The following SSBP2 variants were observed in gnomAD, a reference collection of about 807,000 sequenced individuals.
SSBP2 encodes the protein single-stranded DNA-binding protein 2.
In SSBP2, 17 loss-of-function variants were observed where a neutral mutation model predicts 61.8. The ratio of observed to expected loss-of-function variants is 0.28; its 90% CI spans 0.19 to 0.41. SSBP2 has a LOEUF of 0.41. Ranked by LOEUF, SSBP2 falls within the 10% of genes least tolerant of loss-of-function variation. SSBP2 has a pLI of 1.00. For synonymous variants in SSBP2, 139 were observed against 141.3 expected (o/e 0.98, Z 0.12); for missense variants, 310 against 458.7 (o/e 0.68, Z 2.96).
chr5:81,472,419 A>G (rs1309535015), intron 8 of SSBP2, among the ~76,000 whole-genome samples: 1 of 152,106 alleles, frequency 6.6e-6, no homozygotes, highest in Non-Finnish European at 1.5e-5. Flanking sequence ...TACTGATAGT[A>G]TTATGCTTGT....
chr5:81,637,483 C>A (rs777942274), intron 2 of SSBP2, among the ~76,000 whole-genome samples: 1 of 152,190 alleles, frequency 6.6e-6, no homozygotes, highest in Non-Finnish European at 1.5e-5. Flanking sequence ...CTCACTGATA[C>A]ATCACTTCAA....
intron 1 of SSBP2, among the ~76,000 whole-genome samples, chr5:81,737,355 T>C (rs1195482282): frequency 1.3e-5 from 2 of 151,826 alleles, no homozygotes; most frequent in East Asian, 3.9e-4. Context: ...TATGCTTCCT[T>C]TCTCCAGTGA....
chr5:81,476,791 T>C (rs1032849050), intron 6 of SSBP2, among the ~76,000 whole-genome samples: 1 of 152,218 alleles, frequency 6.6e-6, no homozygotes, highest in Admixed American at 6.5e-5. Context: ...AACTGTCAAA[T>C]AGAGACATTC....
chr5:81,711,693 T>C lies in SSBP2; in HGVS notation c.62+39288A>G, dbSNP rs536438998. Among the ~76,000 whole-genome samples, 35 of 148,902 alleles carry C rather than the reference T, an allele frequency of 2.4e-4. No individual in the cohort carries two copies. The South Asian group carries it at 6.2e-3, about 26-fold the overall frequency. On this transcript the variant is annotated intron_variant, in intron 1 of 16. Transcript: ENST00000320672. ...AGACAAAATTGATCACTCTACATGATAAAAAAAAAAATAAAACCTTTATCT... is the reference window on the plus strand; with the variant it reads ...AGACAAAATTGATCACTCTACATGACAAAAAAAAAAATAAAACCTTTATCT...
chr5:81,642,651 T>C (rs571795700), intron 2 of SSBP2, among the ~76,000 whole-genome samples: 8 of 152,204 alleles, frequency 5.3e-5, no homozygotes, highest in Non-Finnish European at 1.2e-4. Context: ...CATTGAAGCA[T>C]TGTTTTAATT....
At chr5:81,726,930 A>C (rs1416604746) in intron 1 of SSBP2, among the ~76,000 whole-genome samples, 1 of 152,088 alleles carries the variant, frequency 6.6e-6, no homozygotes, top group African/African-American at 2.4e-5. Flanking sequence ...TTCCTCCTTT[A>C]ATTTCTTTTG....
chr5:81,627,496 A>C (rs1747288671), intron 3 of SSBP2, among the ~76,000 whole-genome samples: 1 of 152,170 alleles, frequency 6.6e-6, no homozygotes, highest in Non-Finnish European at 1.5e-5. Context: ...CATTCTAGTG[A>C]GCTAACTAAT....
chr5:81,668,242 G>A (rs1751312652), intron 1 of SSBP2, among the ~76,000 whole-genome samples: 1 of 87,932 alleles, frequency 1.1e-5, no homozygotes, highest in African/African-American at 4.6e-5. Flanking sequence ...AGCTTATATG[G>A]AAGTTTAAAA....
chr5:81,697,887 T>C (rs1356266983), intron 1 of SSBP2, among the ~76,000 whole-genome samples: 3 of 152,190 alleles, frequency 2.0e-5, no homozygotes, highest in Non-Finnish European at 4.4e-5. Flanking sequence ...TGAATAAATA[T>C]TGACATTATG....
intron 4 of SSBP2, among the ~76,000 whole-genome samples, chr5:81,534,967 A>G (rs927635780): frequency 5.3e-5 from 8 of 151,756 alleles, no homozygotes; most frequent in African/African-American, 1.2e-4. Flanking sequence ...GAGATAACGC[A>G]CACACACACA....
chr5:81,446,989 A>G (rs1580707470), intron 11 of SSBP2, 67 bp from the exon 12 acceptor site: 7 of 1,105,238 alleles, frequency 6.3e-6, no homozygotes, highest in Admixed American at 5.4e-5. Context: ...AGTTAGACTT[A>G]TATCTATAAT....
intron 4 of SSBP2, among the ~76,000 whole-genome samples, chr5:81,551,043 C>T (rs111788866): frequency 0.056 from 7,732 of 137,456 alleles, 385 homozygotes; most frequent in African/African-American, 0.14. Flanking sequence ...TTGCAGCGAG[C>T]GGAGATCACA....
At chr5:81,576,218 G>C (rs1219503088) in intron 4 of SSBP2, among the ~76,000 whole-genome samples, 1 of 151,146 alleles carries the variant, frequency 6.6e-6, no homozygotes, top group African/African-American at 2.4e-5. Flanking sequence ...TCTTGTTAAG[G>C]AATAATTGTC....
chr5:81,447,434 G>C (rs1383970213), intron 11 of SSBP2, among the ~76,000 whole-genome samples: 1 of 152,174 alleles, frequency 6.6e-6, no homozygotes, highest in Admixed American at 6.6e-5. Flanking sequence ...AATTAGAAAT[G>C]AGAGGCAAAG....
At chr5:81,467,903 A>G (rs1252929827) in intron 8 of SSBP2, among the ~76,000 whole-genome samples, 1 of 151,910 alleles carries the variant, frequency 6.6e-6, no homozygotes, top group African/African-American at 2.4e-5. Flanking sequence ...ACTCTTTTCA[A>G]TAAAACACAT....
chr5:81,449,710 G>A (rs1763641608), intron 10 of SSBP2, among the ~76,000 whole-genome samples: 1 of 152,088 alleles, frequency 6.6e-6, no homozygotes, highest in African/African-American at 2.4e-5. Context: ...ACCAAGTTAT[G>A]ATTTCCTCTT....
intron 2 of SSBP2, among the ~76,000 whole-genome samples, chr5:81,647,827 A>G (rs1178013542): frequency 6.6e-6 from 1 of 152,146 alleles, no homozygotes; most frequent in Admixed American, 6.6e-5. Flanking sequence ...GAAATTCTGT[A>G]TATACATTTT....
At chr5:81,507,664 A>G (rs1344171327) in intron 5 of SSBP2, among the ~76,000 whole-genome samples, 1 of 152,094 alleles carries the variant, frequency 6.6e-6, no homozygotes, top group Non-Finnish European at 1.5e-5. Flanking sequence ...TTCCTTCTTA[A>G]AAGCTTTCTT....
chr5:81,662,918 G>C (rs1750816818), intron 1 of SSBP2, among the ~76,000 whole-genome samples: 1 of 152,166 alleles, frequency 6.6e-6, no homozygotes, highest in Non-Finnish European at 1.5e-5. Flanking sequence ...TCATCTAACA[G>C]TACTAGGACA....
Sources: allele counts gnomAD v4.1 joint callset (sites outside exome capture counted in the v4.1 genomes callset), GRCh38; gene constraint gnomAD v4.1.1; transcripts MANE v1.5; gene names NCBI Gene and HGNC (gene_info 2026-07-23, HGNC 2026-07-21).